The following SYNPO2 variants were observed in gnomAD, a reference collection of about 807,000 sequenced individuals.
SYNPO2 encodes synaptopodin 2, also known as synaptopodin-2.
SYNPO2 carries 56 observed loss-of-function variants against 85.0 expected under a neutral mutation model. The observed-to-expected ratio is 0.66, with a 90% CI of 0.53 to 0.82. The LOEUF (loss-of-function observed/expected upper bound fraction) is 0.82, where lower values mean the gene tolerates loss of function less well. Ranked by LOEUF, SYNPO2 falls within the 40% of genes least tolerant of loss-of-function variation. The pLI is 0.00. For missense variants in SYNPO2, 1,575 were observed against 1,534.2 expected, an observed-to-expected ratio of 1.03 and a Z score of -0.44; for synonymous variants, 602 against 591.1, an observed-to-expected ratio of 1.02 and a Z score of -0.27.
intron 1 of SYNPO2, among the ~76,000 whole-genome samples, chr4:118,948,011 C>T (rs565851869): frequency 5.6e-4 from 85 of 152,070 alleles, no homozygotes; most frequent in South Asian, 1.5e-3. Flanking sequence ...CCATAATGGT[C>T]CAAAAGGAAA....
chr4:119,035,039 A>G, intron 4 of SYNPO2: 1 of 985,490 alleles, frequency 1.0e-6, no homozygotes, highest in Non-Finnish European at 1.2e-6. Context: ...TTTCATTGCC[A>G]GCTCAAGAGC....
Position 119,032,046 on chromosome 4 carries a change from G to T in SYNPO2, c.3252+19G>T. Reference sequence around the variant, plus strand: ...AATTCAGGTGTGGAAACCATCTGTTGTGGAAGAGTAATCTTGTAGCTGAAG... The same window carrying T: ...AATTCAGGTGTGGAAACCATCTGTTTTGGAAGAGTAATCTTGTAGCTGAAG... On this transcript the variant is annotated intron_variant, in intron 4 of 4. Coordinates refer to ENST00000307142, the MANE Select transcript of SYNPO2 (RefSeq NM_133477.3). 1 of 1,612,758 alleles carries T rather than the reference G, an allele frequency of 6.2e-7. No individual in the cohort carries two copies. The highest frequency in any genetic ancestry group is 1.1e-5 in the South Asian group (1 of 90,736).
intron 1 of SYNPO2, among the ~76,000 whole-genome samples, chr4:118,924,689 A>C (rs115684353): frequency 0.011 from 1,683 of 152,308 alleles, 19 homozygotes; most frequent in Non-Finnish European, 0.014. Context: ...AGAATCTCCA[A>C]AATGATATGG....
At chr4:118,881,408 G>A (rs1732097282) in intron 1 of SYNPO2, among the ~76,000 whole-genome samples, 2 of 152,106 alleles carry the variant, frequency 1.3e-5, no homozygotes, top group Admixed American at 6.5e-5. Flanking sequence ...CAAGGAGAGA[G>A]GCTTCAGAAG....
At chr4:119,042,379 T>C (rs1361306472) in intron 4 of SYNPO2, 1 of 152,162 alleles carries the variant, frequency 6.6e-6, no homozygotes, top group Non-Finnish European at 1.5e-5. Context: ...TGAATTTCCT[T>C]GGCTATTTTT....
chr4:119,049,408 G>A (rs1048387270), intron 4 of SYNPO2, among the ~76,000 whole-genome samples: 5 of 152,040 alleles, frequency 3.3e-5, no homozygotes, highest in Non-Finnish European at 7.4e-5. Flanking sequence ...AAGAGTCAAA[G>A]GAATTGAAAT....
chr4:119,037,067 G>A lies in SYNPO2; in HGVS notation c.3252+5040G>A, dbSNP rs189683493. ...GCTCCTTGTGTTTACCTCTGTTTATGTCATTCTTGACATGTTTATCTAAAT... is the reference window on the plus strand; with the variant it reads ...GCTCCTTGTGTTTACCTCTGTTTATATCATTCTTGACATGTTTATCTAAAT... On this transcript the variant is annotated intron_variant, in intron 4 of 4. Transcript: ENST00000307142. 47 of 1,513,130 alleles carry A rather than the reference G, an allele frequency of 3.1e-5. No homozygotes were observed. The African/African-American group carries it at 4.3e-4, about 14-fold the overall frequency. The allele number at this position is 1,513,130 out of a possible 1,614,324, so 93.7% of individuals were successfully genotyped here.
At chr4:118,942,991 C>T (rs1009300104) in intron 1 of SYNPO2, among the ~76,000 whole-genome samples, 17 of 152,148 alleles carry the variant, frequency 1.1e-4, no homozygotes, top group African/African-American at 4.1e-4. Flanking sequence ...CCTGTAATCC[C>T]AGCTACTTGG....
At chr4:118,886,807 G>T (rs1345446655), upstream of SYNPO2, among the ~76,000 whole-genome samples, 1 of 147,750 alleles carries the variant, frequency 6.8e-6, no homozygotes, top group East Asian at 2.0e-4. Context: ...TGAGTATCTG[G>T]CCCTCATGAC....
chr4:119,040,409 A>G (rs1738670152), intron 4 of SYNPO2, among the ~76,000 whole-genome samples: 2 of 152,048 alleles, frequency 1.3e-5, no homozygotes, highest in Non-Finnish European at 2.9e-5. Flanking sequence ...ACTGAAGTTT[A>G]TATGTTTACA....
At position 119,033,984 on chromosome 4, in the gene SYNPO2, G is replaced by T. The variant is rs76370369; in HGVS notation, c.3252+1957G>T. 3.9e-3 allele frequency: 3,845 copies of T among 985,372 alleles called. 120 individuals are homozygous for T. In the East Asian group the frequency reaches 0.12, roughly 30 times the overall value. 61.0% of individuals were successfully genotyped at this position (985,372 alleles called of 1,614,324 possible). A position where few individuals can be genotyped will look rare whatever the true frequency, so the allele number is the denominator to read the frequency against. Reference sequence around the variant, plus strand: ...GGAAAATCTTTCATTGCTTTTGGTGGAAATTTACCTAGAGGTTACAACCAC... The same window carrying T: ...GGAAAATCTTTCATTGCTTTTGGTGTAAATTTACCTAGAGGTTACAACCAC... On this transcript the variant is annotated intron_variant, in intron 4 of 4. Coordinates refer to ENST00000307142, the MANE Select transcript of SYNPO2 (RefSeq NM_133477.3).
intron 1 of SYNPO2, among the ~76,000 whole-genome samples, chr4:118,993,119 A>G (rs895798651): frequency 3.9e-4 from 59 of 152,234 alleles, no homozygotes; most frequent in Admixed American, 3.3e-3. Flanking sequence ...AAAGCAGCAT[A>G]AGAGAATTAC....
chr4:118,895,955 A>G (rs1732537780), intron 1 of SYNPO2, among the ~76,000 whole-genome samples: 1 of 152,192 alleles, frequency 6.6e-6, no homozygotes, highest in Non-Finnish European at 1.5e-5. Flanking sequence ...AATATATGTT[A>G]TCTCTTTTAA....
chr4:118,908,410 A>T (rs1481287412), intron 1 of SYNPO2, among the ~76,000 whole-genome samples: 1 of 152,176 alleles, frequency 6.6e-6, no homozygotes, highest in Admixed American at 6.5e-5. Flanking sequence ...TAAACATTTT[A>T]AAATATTAAT....
At chr4:119,009,760 G>T (rs533956244) in intron 1 of SYNPO2, among the ~76,000 whole-genome samples, 6 of 152,166 alleles carry the variant, frequency 3.9e-5, no homozygotes, top group African/African-American at 1.4e-4. Flanking sequence ...CCTGATATTC[G>T]CCAGAAGTTA....
chr4:118,988,152 C>G (rs1401984188), intron 1 of SYNPO2, among the ~76,000 whole-genome samples: 1 of 152,138 alleles, frequency 6.6e-6, no homozygotes. Context: ...ATTTGAATAG[C>G]TAGAGCAAAT....
At chr4:118,911,063 C>A (rs893753343) in intron 1 of SYNPO2, among the ~76,000 whole-genome samples, 3 of 152,052 alleles carry the variant, frequency 2.0e-5, no homozygotes, top group Admixed American at 6.6e-5. Flanking sequence ...CTTTATATTT[C>A]TTTTATCTGA....
chr4:118,927,761 ATATAGATAGATAGAT>A (rs201020795), intron 1 of SYNPO2, among the ~76,000 whole-genome samples: 6 of 76,006 alleles, frequency 7.9e-5, no homozygotes, highest in Admixed American at 1.4e-4. Flanking sequence ...ATAGATAGAT[ATATAGATAGATAGAT>A]GATAGATAGA....
At chr4:118,952,726 G>A (rs983554692) in intron 1 of SYNPO2, among the ~76,000 whole-genome samples, 1 of 152,004 alleles carries the variant, frequency 6.6e-6, no homozygotes, top group African/African-American at 2.4e-5. Context: ...CATCATTCTA[G>A]ATAGAACAAT....
Sources: allele counts gnomAD v4.1 joint callset (sites outside exome capture counted in the v4.1 genomes callset), GRCh38; gene constraint gnomAD v4.1.1; transcripts MANE v1.5; gene names NCBI Gene and HGNC (gene_info 2026-07-23, HGNC 2026-07-21).